The following NCOA1 variants were observed in gnomAD, a reference collection of about 807,000 sequenced individuals.
The protein encoded by NCOA1 is nuclear receptor coactivator 1.
A neutral mutation model predicts 150.9 loss-of-function variants in NCOA1; 35 were observed. The ratio of observed to expected loss-of-function variants is 0.23; its 90% CI spans 0.18 to 0.31. The LOEUF (loss-of-function observed/expected upper bound fraction) is 0.31. Ranked by LOEUF, NCOA1 falls within the 10% of genes least tolerant of loss-of-function variation. NCOA1 has a pLI of 1.00. For missense variants in NCOA1, 1,491 were observed against 1,749.3 expected (o/e 0.85, Z 2.63); for synonymous variants, 590 against 630.0 (o/e 0.94, Z 0.95).
chr2:24,762,663 T>C, intron 21 of NCOA1, 24 bp from the exon 22 acceptor site: 1 of 1,597,742 alleles, frequency 6.3e-7, no homozygotes, highest in East Asian at 2.2e-5. Context: ...GCTTGTAATT[T>C]GATCTTGTAT....
At chr2:24,587,463 T>C (rs1291204368) in intron 3 of NCOA1, among the ~76,000 whole-genome samples, 1 of 152,228 alleles carries the variant, frequency 6.6e-6, no homozygotes, top group African/African-American at 2.4e-5. Context: ...TTATTCCATC[T>C]TGACATTCAC....
At chr2:24,742,597 C>G (rs907107515) in intron 19 of NCOA1, among the ~76,000 whole-genome samples, 2 of 151,790 alleles carry the variant, frequency 1.3e-5, no homozygotes, top group Non-Finnish European at 2.9e-5. Flanking sequence ...GCTAGGATTA[C>G]AGGCATGTGC....
chr2:24,552,533 T>A (rs1479834236), intron 1 of NCOA1, among the ~76,000 whole-genome samples: 3 of 150,742 alleles, frequency 2.0e-5, no homozygotes, highest in Admixed American at 6.6e-5. Flanking sequence ...ACCCAGCTAA[T>A]TTTTTGTATT....
At chr2:24,618,097 G>T (rs1278974773) in intron 3 of NCOA1, among the ~76,000 whole-genome samples, 1 of 152,150 alleles carries the variant, frequency 6.6e-6, no homozygotes, top group African/African-American at 2.4e-5. Context: ...AGCTATGGGT[G>T]ATTTTAATTT....
intron 1 of NCOA1, among the ~76,000 whole-genome samples, chr2:24,544,827 A>G (rs1400879032): frequency 1.3e-5 from 2 of 152,230 alleles, no homozygotes; most frequent in East Asian, 1.9e-4. Flanking sequence ...TAACAATTCA[A>G]AAAACATTGC....
In NCOA1 at chr2:24,690,651, CAAAAAAAAAAAAA is replaced by C. The variant is rs70947837; in HGVS notation, c.533-815_533-803del. 7.3e-4 allele frequency among the ~76,000 whole-genome samples: 28 copies of C among 38,434 alleles called. No individual in the cohort carries two copies. In the South Asian group the frequency reaches 8.8e-3, roughly 12 times the overall value. The allele number at this position is 38,434 out of a possible 152,430, so 25.2% of individuals were successfully genotyped here. A position where few individuals can be genotyped will look rare whatever the true frequency, so the allele number is the denominator to read the frequency against. ...TGGGTGACAAAGTGAGATTCCATCT[CAAAAAAAAAAAAA>C]AAAAAAAAAAAAAAGGCAGTGTTAA... On this transcript the variant is annotated intron_variant, in intron 8 of 22. Coordinates refer to ENST00000348332, the MANE Select transcript of NCOA1 (RefSeq NM_003743.5).
At chr2:24,765,896 CTT>C (rs773857143) in intron 22 of NCOA1, among the ~76,000 whole-genome samples, 6,749 of 127,908 alleles carry the variant, frequency 0.053, 167 homozygotes, top group Non-Finnish European at 0.075. Flanking sequence ...CAATAATACA[CTT>C]TTTTTTTTTT....
chr2:24,507,455 T>A (rs959974569), intron 1 of NCOA1, among the ~76,000 whole-genome samples: 2 of 146,042 alleles, frequency 1.4e-5, no homozygotes, highest in African/African-American at 2.5e-5. Context: ...TTTTTTTTTT[T>A]AATGTTTAAA....
At position 24,605,948 on chromosome 2, in the gene NCOA1, G is replaced by A. The variant is rs185222147; in HGVS notation, c.-175+21388G>A. ...ACTGTGCTGGCTAGACTTGTACAGCGTTGTATAGAAGTGGGGATTAATGAG... is the reference window on the plus strand; with the variant it reads ...ACTGTGCTGGCTAGACTTGTACAGCATTGTATAGAAGTGGGGATTAATGAG... On this transcript the variant is annotated intron_variant, in intron 3 of 22. Coordinates refer to ENST00000348332, the MANE Select transcript of NCOA1 (RefSeq NM_003743.5). 1.4e-3 allele frequency among the ~76,000 whole-genome samples: 207 copies of A among 152,262 alleles called. 1 individual carries two copies. The highest frequency in any genetic ancestry group is 4.5e-3 in the African/African-American group (188 of 41,562).
At chr2:24,598,376 G>T (rs1667967882) in intron 3 of NCOA1, among the ~76,000 whole-genome samples, 1 of 152,048 alleles carries the variant, frequency 6.6e-6, no homozygotes, top group South Asian at 2.1e-4. Context: ...GGAATATATT[G>T]CTATATTGGA....
chr2:24,765,815 A>T (rs1665031743), intron 22 of NCOA1, among the ~76,000 whole-genome samples: 1 of 151,898 alleles, frequency 6.6e-6, no homozygotes, highest in African/African-American at 2.4e-5. Flanking sequence ...CTGGTCTGAG[A>T]CACCCCCTTT....
At chr2:24,578,054 C>T (rs1448324204) in intron 2 of NCOA1, among the ~76,000 whole-genome samples, 1 of 152,090 alleles carries the variant, frequency 6.6e-6, no homozygotes, top group Non-Finnish European at 1.5e-5. Context: ...TACCTCACAA[C>T]GTACTCTTTT....
intron 3 of NCOA1, among the ~76,000 whole-genome samples, chr2:24,639,918 A>G (rs1157068668): frequency 0.083 from 224 of 2,694 alleles, 26 homozygotes; most frequent in African/African-American, 0.19. Context: ...GTGTGTGTGT[A>G]TATATATATA....
At chr2:24,504,134 A>G (rs970336481) in intron 1 of NCOA1, among the ~76,000 whole-genome samples, 5 of 152,206 alleles carry the variant, frequency 3.3e-5, no homozygotes, top group African/African-American at 4.8e-5. Flanking sequence ...TACCCACAGT[A>G]TACATACATA....
At chr2:24,651,094 T>C (rs1670691614) in intron 4 of NCOA1, among the ~76,000 whole-genome samples, 1 of 152,070 alleles carries the variant, frequency 6.6e-6, no homozygotes, top group East Asian at 1.9e-4. Context: ...TGTACCCTTT[T>C]GATGGGAACT....
At chr2:24,527,725 T>C (rs994395682) in intron 1 of NCOA1, among the ~76,000 whole-genome samples, 5 of 152,222 alleles carry the variant, frequency 3.3e-5, no homozygotes, top group African/African-American at 9.6e-5. Context: ...ATTTTTAATT[T>C]CTTTAGGAAC....
Position 24,732,842 on chromosome 2 carries a change from T to C in NCOA1, c.3201+3027T>C, listed in dbSNP as rs182587381. On this transcript the variant is annotated intron_variant, in intron 17 of 22. Coordinates refer to ENST00000348332, the MANE Select transcript of NCOA1 (RefSeq NM_003743.5). ...TAGCAGAAGAAAAGGGACTGTTTCTTTCCTATGTACCTCTTTCCAAAAGCC... is the reference window on the plus strand; with the variant it reads ...TAGCAGAAGAAAAGGGACTGTTTCTCTCCTATGTACCTCTTTCCAAAAGCC... 9.2e-5 allele frequency among the ~76,000 whole-genome samples: 14 copies of C among 152,168 alleles called. No individual in the cohort carries two copies. In the East Asian group the frequency reaches 2.7e-3, roughly 29 times the overall value.
Position 24,768,535 on chromosome 2 carries a change from A to AG in NCOA1, c.*144_*145insG, listed in dbSNP as rs1033947528. ...TTGGAGCAAAAAAAAAAAAAAAAAAAAAAAAAGGAGTTTGCTTTTGTCGGG... is the reference window on the plus strand; with the variant it reads ...TTGGAGCAAAAAAAAAAAAAAAAAAAGAAAAAAGGAGTTTGCTTTTGTCGGG... On this transcript the variant is annotated 3_prime_UTR_variant, in exon 23 of 23. Coordinates refer to ENST00000348332, the MANE Select transcript of NCOA1 (RefSeq NM_003743.5). 2 of 636,852 alleles carry AG rather than the reference A, an allele frequency of 3.1e-6. No homozygotes were observed. Among genetic ancestry groups the AG allele is most frequent in the African/African-American group, 3.8e-5 (2 of 52,296 alleles). 39.5% of individuals were successfully genotyped at this position (636,852 alleles called of 1,614,324 possible).
At chr2:24,670,199 T>C (rs1179334777) in intron 6 of NCOA1, among the ~76,000 whole-genome samples, 1 of 152,134 alleles carries the variant, frequency 6.6e-6, no homozygotes, top group African/African-American at 2.4e-5. Flanking sequence ...CACACATACT[T>C]CTGATGGGAA....
Sources: gnomAD v4.1 joint callset for allele counts (sites outside exome capture counted in the v4.1 genomes callset) on GRCh38, gnomAD v4.1.1 for gene constraint, MANE v1.5 for transcripts, NCBI Gene and HGNC (gene_info 2026-07-23, HGNC 2026-07-21) for gene names.